The following SLC24A3 variants were observed in gnomAD, a reference collection of about 807,000 sequenced individuals.
SLC24A3 encodes sodium/potassium/calcium exchanger 3.
Under a neutral mutation model 75.8 loss-of-function variants are expected in SLC24A3, and 28 were observed. The ratio of observed to expected loss-of-function variants is 0.37; its 90% CI spans 0.27 to 0.51. The LOEUF (loss-of-function observed/expected upper bound fraction) is 0.51. SLC24A3 is among the 20% of genes least tolerant of loss of function. SLC24A3 has a pLI of 0.94. For missense variants in SLC24A3, 663 were observed against 847.8 expected, an observed-to-expected ratio of 0.78 and a Z score of 2.71; for synonymous variants, 372 against 334.1, an observed-to-expected ratio of 1.11 and a Z score of -1.24.
At chr20:19,538,872 C>A (rs1395201469) in intron 3 of SLC24A3, among the ~76,000 whole-genome samples, 1 of 152,216 alleles carries the variant, frequency 6.6e-6, no homozygotes, top group Non-Finnish European at 1.5e-5. Context: ...CTCTCAATAA[C>A]AGAAAGGATA....
chr20:19,248,853 C>A (rs1009643197), intron 1 of SLC24A3, among the ~76,000 whole-genome samples: 2 of 150,432 alleles, frequency 1.3e-5, no homozygotes, highest in Non-Finnish European at 3.0e-5. Flanking sequence ...CATGGATGAA[C>A]CTAGAGGATA....
intron 11 of SLC24A3, among the ~76,000 whole-genome samples, 186 bp downstream of exon 11, chr20:19,684,522 G>A (rs775814929): frequency 1.3e-5 from 2 of 152,130 alleles, no homozygotes; most frequent in African/African-American, 4.8e-5. Flanking sequence ...TTCCCTCCAC[G>A]TGTTGAGACA....
At chr20:19,712,869 AAG>A (rs1317758113) in intron 15 of SLC24A3, among the ~76,000 whole-genome samples, 1 of 152,216 alleles carries the variant, frequency 6.6e-6, no homozygotes, top group Non-Finnish European at 1.5e-5. Flanking sequence ...GCGGATATAA[AAG>A]AGTACACGCT....
At chr20:19,511,328 A>ATTTT (rs11478021) in intron 2 of SLC24A3, among the ~76,000 whole-genome samples, 2 of 140,778 alleles carry the variant, frequency 1.4e-5, no homozygotes, top group African/African-American at 5.3e-5. Context: ...GCTTAGCTCA[A>ATTTT]TTTTTTTTTT....
chr20:19,507,994 G>A (rs1988484921), intron 2 of SLC24A3, among the ~76,000 whole-genome samples: 1 of 152,172 alleles, frequency 6.6e-6, no homozygotes, highest in Admixed American at 6.5e-5. Flanking sequence ...TGGTGCCACT[G>A]AGTCCACGGT....
intron 2 of SLC24A3, among the ~76,000 whole-genome samples, chr20:19,332,182 A>C (rs532583893): frequency 7.2e-5 from 11 of 152,330 alleles, no homozygotes; most frequent in Admixed American, 1.3e-4. Flanking sequence ...GGTTGGAAGA[A>C]TGAAGTGACA....
intron 2 of SLC24A3, among the ~76,000 whole-genome samples, chr20:19,513,922 G>T (rs1428183496): frequency 2.0e-5 from 3 of 152,092 alleles, no homozygotes; most frequent in Non-Finnish European, 2.9e-5. Flanking sequence ...TGTGTGTGTA[G>T]TGAGAAGATT....
At chr20:19,222,316 G>C (rs2122133647) in intron 1 of SLC24A3, among the ~76,000 whole-genome samples, 1 of 152,128 alleles carries the variant, frequency 6.6e-6, no homozygotes, top group South Asian at 2.1e-4. Flanking sequence ...TATTATACAT[G>C]CTTTCTTCAG....
intron 2 of SLC24A3, among the ~76,000 whole-genome samples, chr20:19,317,472 A>G (rs1259360274): frequency 6.6e-6 from 1 of 152,206 alleles, no homozygotes; most frequent in Non-Finnish European, 1.5e-5. Flanking sequence ...CTGCATTCAC[A>G]GAAAAGAGGC....
At position 19,313,477 on chromosome 20, in the gene SLC24A3, G is replaced by C. The variant is rs563094916; in HGVS notation, c.271+32390G>C. Among the ~76,000 whole-genome samples the C allele has an allele frequency of 1.9e-3, 290 of 152,296 alleles. 2 individuals are homozygous for C. The highest frequency in any genetic ancestry group is 6.8e-3 in the African/African-American group (282 of 41,556). On this transcript the variant is annotated intron_variant, in intron 2 of 16. Transcript: ENST00000328041. ...CAGTGGGGTGTCTGGTTCCTCCCCTGTTTGCTCTGGGCTCTGTACTTGAGT... is the reference window on the plus strand; with the variant it reads ...CAGTGGGGTGTCTGGTTCCTCCCCTCTTTGCTCTGGGCTCTGTACTTGAGT...
chr20:19,519,411 C>T (rs1366866282), intron 3 of SLC24A3, among the ~76,000 whole-genome samples: 1 of 152,184 alleles, frequency 6.6e-6, no homozygotes, highest in African/African-American at 2.4e-5. Flanking sequence ...GCTGGTTCAA[C>T]TTTCTGAACA....
At chr20:19,664,623 C>T (rs1348568936) in intron 7 of SLC24A3, among the ~76,000 whole-genome samples, 1 of 152,184 alleles carries the variant, frequency 6.6e-6, no homozygotes, top group Non-Finnish European at 1.5e-5. Flanking sequence ...TGATGCCATG[C>T]CCGCTTTGTT....
intron 1 of SLC24A3, among the ~76,000 whole-genome samples, chr20:19,280,449 C>T (rs542536423): frequency 2.0e-5 from 3 of 152,204 alleles, no homozygotes; most frequent in Admixed American, 6.5e-5. Flanking sequence ...GGCTAGACCT[C>T]GGTGGGCTGG....
At chr20:19,221,505 G>A (rs1179591434) in intron 1 of SLC24A3, among the ~76,000 whole-genome samples, 3 of 152,148 alleles carry the variant, frequency 2.0e-5, no homozygotes, top group Non-Finnish European at 4.4e-5. Context: ...GCCTCCAGGT[G>A]CCTCCTACAA....
chr20:19,464,378 C>T (rs1024181), intron 2 of SLC24A3, among the ~76,000 whole-genome samples: 72,421 of 151,798 alleles, frequency 0.48, 18,696 homozygotes, highest in Non-Finnish European at 0.57. Context: ...CACATACGTG[C>T]GCACACGTGT....
intron 4 of SLC24A3, among the ~76,000 whole-genome samples, chr20:19,583,657 G>T (rs1008175988): frequency 1.3e-5 from 2 of 152,180 alleles, no homozygotes; most frequent in Admixed American, 1.3e-4. Flanking sequence ...TACCCCAGCA[G>T]GACAGAACCA....
At chr20:19,603,839 G>A (rs2031561126) in intron 6 of SLC24A3, among the ~76,000 whole-genome samples, 1 of 152,170 alleles carries the variant, frequency 6.6e-6, no homozygotes, top group African/African-American at 2.4e-5. Flanking sequence ...GCATCCTGGT[G>A]CACACCGAGC....
At chr20:19,450,293 C>T (rs576064155) in intron 2 of SLC24A3, among the ~76,000 whole-genome samples, 1 of 152,316 alleles carries the variant, frequency 6.6e-6, no homozygotes, top group African/African-American at 2.4e-5. Context: ...CTCCAGACAG[C>T]TCTCATGTAG....
chr20:19,214,245 A>G (rs895711832), intron 1 of SLC24A3, among the ~76,000 whole-genome samples: 2 of 152,072 alleles, frequency 1.3e-5, no homozygotes, highest in African/African-American at 4.8e-5. Context: ...AAGCTGTTCA[A>G]GACTCCACGG....
Sources: allele counts gnomAD v4.1 joint callset (sites outside exome capture counted in the v4.1 genomes callset), GRCh38; gene constraint gnomAD v4.1.1; transcripts MANE v1.5; gene names NCBI Gene and HGNC (gene_info 2026-07-23, HGNC 2026-07-21).